Variants in PLCB1 observed in about 807,000 individuals in gnomAD.
PLCB1 encodes phospholipase C beta 1.
A neutral mutation model predicts 161.8 loss-of-function variants in PLCB1; 46 were observed. The ratio of observed to expected loss-of-function variants is 0.28; its 90% confidence interval spans 0.22 to 0.36. PLCB1 has a LOEUF of 0.36. Among genes scored for constraint, PLCB1 ranks in the 10% least tolerant of loss-of-function variants. The pLI is 1.00. For synonymous variants in PLCB1, 517 were observed against 503.7 expected, an observed-to-expected ratio of 1.03 and a Z score of -0.35; for missense variants, 1,016 against 1,472.5, an observed-to-expected ratio of 0.69 and a Z score of 5.07.
intron 3 of PLCB1, among the ~76,000 whole-genome samples, chr20:8,443,215 C>T (rs961261177): frequency 7.2e-5 from 11 of 152,034 alleles, no homozygotes; most frequent in African/African-American, 2.7e-4. Context: ...CTCCTGACCT[C>T]GTGATCTGCC....
intron 3 of PLCB1, among the ~76,000 whole-genome samples, chr20:8,426,149 G>A (rs897229919): frequency 3.3e-5 from 5 of 151,820 alleles, no homozygotes; most frequent in Admixed American, 3.3e-4. Context: ...TTCCTGAAAC[G>A]TGGAAGGATG....
intron 2 of PLCB1, among the ~76,000 whole-genome samples, chr20:8,173,000 G>A (rs752058638): frequency 3.9e-5 from 6 of 152,166 alleles, no homozygotes; most frequent in Non-Finnish European, 5.9e-5. Flanking sequence ...AGCACCATTG[G>A]CAAAGGGATC....
chr20:8,854,179 G>A (rs1201382256), intron 31 of PLCB1, among the ~76,000 whole-genome samples: 2 of 152,100 alleles, frequency 1.3e-5, no homozygotes, highest in African/African-American at 4.8e-5. Flanking sequence ...TTTTTCCAGT[G>A]TGCAAAACTC....
intron 3 of PLCB1, among the ~76,000 whole-genome samples, chr20:8,466,404 C>T (rs1207636707): frequency 1.3e-5 from 2 of 150,996 alleles, no homozygotes; most frequent in Non-Finnish European, 2.9e-5. Flanking sequence ...AGCGCACCAG[C>T]ATGGCACATG....
At chr20:8,268,076 C>T (rs1432373159) in intron 2 of PLCB1, among the ~76,000 whole-genome samples, 8 of 152,086 alleles carry the variant, frequency 5.3e-5, no homozygotes, top group Non-Finnish European at 8.8e-5. Flanking sequence ...ATTAACTCAT[C>T]ATTTACATTA....
At chr20:8,369,264 C>T (rs766224333) in intron 2 of PLCB1, among the ~76,000 whole-genome samples, 9 of 152,198 alleles carry the variant, frequency 5.9e-5, no homozygotes, top group Non-Finnish European at 8.8e-5. Flanking sequence ...CAGTCAGTTC[C>T]TCCATTGCCA....
chr20:8,657,409 C>T, intron 8 of PLCB1, 125 bp downstream of exon 8: 1 of 680,976 alleles, frequency 1.5e-6, no homozygotes, highest in Non-Finnish European at 2.7e-6. Context: ...AAGCAATATT[C>T]CTGTGTGATG....
chr20:8,387,074 G>A (rs1023646462), intron 3 of PLCB1, among the ~76,000 whole-genome samples: 8 of 152,152 alleles, frequency 5.3e-5, no homozygotes, highest in Non-Finnish European at 8.8e-5. Context: ...TCAGCAATAC[G>A]TTTGCTTTGC....
intron 3 of PLCB1, among the ~76,000 whole-genome samples, chr20:8,607,715 A>G (rs1987797808): frequency 6.6e-6 from 1 of 152,046 alleles, no homozygotes; most frequent in African/African-American, 2.4e-5. Flanking sequence ...TTGTGTGTTT[A>G]TTGCTCTTCT....
chr20:8,788,805 A>T, intron 29 of PLCB1, 83 bp downstream of exon 29: 2 of 835,236 alleles, frequency 2.4e-6, no homozygotes, highest in African/African-American at 1.7e-5. Flanking sequence ...GTTCATAACC[A>T]GTCAAAGACT....
intron 2 of PLCB1, among the ~76,000 whole-genome samples, chr20:8,222,322 C>G (rs1050475480): frequency 6.6e-6 from 1 of 152,086 alleles, no homozygotes; most frequent in African/African-American, 2.4e-5. Flanking sequence ...TTAAAAATGT[C>G]TCTACTTTTC....
At chr20:8,823,201 C>T (rs1163454314) in intron 31 of PLCB1, among the ~76,000 whole-genome samples, 3 of 152,210 alleles carry the variant, frequency 2.0e-5, no homozygotes, top group Non-Finnish European at 4.4e-5. Context: ...AGGCTCACTG[C>T]AGTCTTCGCC....
At chr20:8,534,327 C>T (rs1339920781) in intron 3 of PLCB1, among the ~76,000 whole-genome samples, 3 of 152,190 alleles carry the variant, frequency 2.0e-5, no homozygotes, top group Admixed American at 2.0e-4. Context: ...CAGGCAGGAG[C>T]CACTGCGCCC....
At chr20:8,230,683 A>G (rs1267459289) in intron 2 of PLCB1, among the ~76,000 whole-genome samples, 2 of 152,104 alleles carry the variant, frequency 1.3e-5, no homozygotes, top group African/African-American at 2.4e-5. Context: ...TTTAAAAATC[A>G]TTTAAAGTTC....
intron 3 of PLCB1, among the ~76,000 whole-genome samples, chr20:8,553,531 G>T (rs996834963): frequency 6.6e-6 from 1 of 152,104 alleles, no homozygotes; most frequent in Non-Finnish European, 1.5e-5. Flanking sequence ...TTTCTTGTAT[G>T]TTCCTGTTGC....
chr20:8,348,786 T>C (rs973432854), intron 2 of PLCB1, among the ~76,000 whole-genome samples: 1 of 152,212 alleles, frequency 6.6e-6, no homozygotes, highest in Admixed American at 6.5e-5. Flanking sequence ...AAAAATATAC[T>C]TAACTCATAT....
At chr20:8,791,077 T>C (rs531368979) in intron 31 of PLCB1, among the ~76,000 whole-genome samples, 3 of 152,298 alleles carry the variant, frequency 2.0e-5, no homozygotes, top group Non-Finnish European at 4.4e-5. Context: ...TATGTTTCAT[T>C]CACCAGTTTA....
At chr20:8,856,808 G>T (rs1987084958) in intron 31 of PLCB1, among the ~76,000 whole-genome samples, 1 of 152,182 alleles carries the variant, frequency 6.6e-6, no homozygotes, top group African/African-American at 2.4e-5. Context: ...TGTTCACTTT[G>T]TGGAAGAAAA....
At chr20:8,154,345 A>C (rs2051538761) in intron 2 of PLCB1, among the ~76,000 whole-genome samples, 1 of 152,140 alleles carries the variant, frequency 6.6e-6, no homozygotes, top group South Asian at 2.1e-4. Flanking sequence ...TTTATTTAAG[A>C]ATACAGAAGT....
Sources: allele counts gnomAD v4.1 joint callset (sites outside exome capture counted in the v4.1 genomes callset), GRCh38; gene constraint gnomAD v4.1.1; transcripts MANE v1.5; gene names NCBI Gene and HGNC (gene_info 2026-07-23, HGNC 2026-07-21).